Variants in ANKFN1 observed in about 807,000 individuals in gnomAD.
ANKFN1 encodes ankyrin repeat and fibronectin type-III domain-containing protein 1.
A neutral mutation model predicts 108.7 loss-of-function variants in ANKFN1; 74 were observed. That is an observed-to-expected ratio of 0.68 (90% confidence interval 0.56 to 0.83). The LOEUF (loss-of-function observed/expected upper bound fraction) is 0.83. Among genes scored for constraint, ANKFN1 ranks in the 40% least tolerant of loss-of-function variants. The pLI, the probability that ANKFN1 is intolerant of heterozygous loss-of-function variation, is 0.00. For synonymous variants in ANKFN1, 547 were observed against 516.2 expected (o/e 1.06, Z -0.81); for missense variants, 1,505 against 1,382.3 (o/e 1.09, Z -1.41).
chr17:56,116,692 C>A (rs1467932575), intron 4 of ANKFN1, among the ~76,000 whole-genome samples: 1 of 152,156 alleles, frequency 6.6e-6, no homozygotes, highest in Non-Finnish European at 1.5e-5. Flanking sequence ...TCTTGTACAA[C>A]CTGCAGAACC....
At chr17:56,248,039 T>TA (rs1276893090) in intron 3 of ANKFN1, among the ~76,000 whole-genome samples, 1 of 152,210 alleles carries the variant, frequency 6.6e-6, no homozygotes, top group Non-Finnish European at 1.5e-5. Flanking sequence ...GCAATTTACT[T>TA]AGTCGTCAGC....
chr17:56,064,559 A>T (rs996597301), intron 4 of ANKFN1, among the ~76,000 whole-genome samples: 1 of 152,202 alleles, frequency 6.6e-6, no homozygotes, highest in Non-Finnish European at 1.5e-5. Context: ...GCATCTTGAG[A>T]CCAAGCCGTC....
intron 4 of ANKFN1, among the ~76,000 whole-genome samples, chr17:56,107,230 T>G (rs556509161): frequency 6.6e-6 from 1 of 152,158 alleles, no homozygotes; most frequent in South Asian, 2.1e-4. Context: ...TGGGCTTGAG[T>G]TGCCTGAAGT....
chr17:56,305,683 G>A (rs1201963639), intron 3 of ANKFN1, among the ~76,000 whole-genome samples: 2 of 152,162 alleles, frequency 1.3e-5, no homozygotes, highest in African/African-American at 4.8e-5. Flanking sequence ...TGTTATGGAT[G>A]TGCTTTTGGT....
chr17:56,482,392 G>A lies in ANKFN1; in HGVS notation c.2128G>A (p.Glu710Lys), dbSNP rs767807470. The change falls in exon 18 of 21, where the codon GAA becomes AAA. Residue 710 changes from glutamate to lysine, a missense_variant. By Grantham distance (56) the Glu-to-Lys change is moderately conservative. Transcript: ENST00000682825. ...CCGCCTCTACACACAGGAGGTGTTG[G>A]AAATGGGTCACAATGTGTCCTTTCT... ...NFRLYTQEVL[E>K]MGHNVSFLLL... 6.2e-7 allele frequency: 1 copy of A among 1,612,244 alleles called. No individual in the cohort carries two copies. The highest frequency in any genetic ancestry group is 2.2e-5 in the East Asian group (1 of 44,838).
chr17:56,467,785 A>AAGAAAG (rs2050147985), intron 15 of ANKFN1, among the ~76,000 whole-genome samples: 2 of 99,088 alleles, frequency 2.0e-5, no homozygotes, highest in African/African-American at 1.5e-4. Context: ...GAAAGAAAGA[A>AAGAAAG]AGAAAGAAGA....
chr17:56,275,895 G>A (rs149399886), intron 3 of ANKFN1, among the ~76,000 whole-genome samples: 2 of 152,128 alleles, frequency 1.3e-5, no homozygotes, highest in African/African-American at 4.8e-5. Flanking sequence ...AAGTTCTAGG[G>A]TACATGTGTA....
At chr17:56,434,378 CAAA>C (rs58017155) in intron 8 of ANKFN1, among the ~76,000 whole-genome samples, 49 of 127,344 alleles carry the variant, frequency 3.8e-4, no homozygotes, top group Middle Eastern at 3.9e-3. Flanking sequence ...TTTCTAGTGT[CAAA>C]AAAAAAAAAA....
intron 19 of ANKFN1, among the ~76,000 whole-genome samples, chr17:56,498,382 A>G (rs947317272): frequency 1.3e-5 from 2 of 152,174 alleles, no homozygotes; most frequent in African/African-American, 2.4e-5. Flanking sequence ...AGGCTTTATC[A>G]TATGCCTTCA....
intron 11 of ANKFN1, among the ~76,000 whole-genome samples, chr17:56,454,534 G>C (rs1450818126): frequency 6.6e-6 from 1 of 152,122 alleles, no homozygotes; most frequent in African/African-American, 2.4e-5. Context: ...TTCAGAGAAG[G>C]GAAATCAATA....
chr17:56,238,330 AT>A (rs1290315551), intron 3 of ANKFN1, among the ~76,000 whole-genome samples: 13 of 151,906 alleles, frequency 8.6e-5, no homozygotes, highest in African/African-American at 3.1e-4. Context: ...ATTTTTGTCA[AT>A]TTTCTGCCTC....
intron 4 of ANKFN1, among the ~76,000 whole-genome samples, chr17:56,064,618 A>G (rs1473960859): frequency 6.6e-6 from 1 of 152,202 alleles, no homozygotes; most frequent in East Asian, 1.9e-4. Flanking sequence ...GAGCTATAGC[A>G]ATAGATGCCA....
intron 17 of ANKFN1, 67 bp downstream of exon 17, chr17:56,480,885 T>TGG: frequency 2.8e-6 from 4 of 1,426,256 alleles, no homozygotes; most frequent in African/African-American, 2.1e-5. Context: ...TAACATTAAG[T>TGG]GGGGTGTGTG....
chr17:56,233,866 G>A lies in ANKFN1; in HGVS notation c.53+5909G>A, dbSNP rs190405669. On this transcript the variant is annotated intron_variant, in intron 3 of 20. Coordinates refer to ENST00000682825, the MANE Select transcript of ANKFN1 (RefSeq NM_001370326.1). Reference sequence around the variant, plus strand: ...TTGATATTTATATATATGTTAATGAGTAAGACAAAAATGAAACAGAAAAGG... The same window carrying A: ...TTGATATTTATATATATGTTAATGAATAAGACAAAAATGAAACAGAAAAGG... 3.4e-3 allele frequency among the ~76,000 whole-genome samples: 514 copies of A among 152,086 alleles called. 2 individuals carry two copies. The highest frequency in any genetic ancestry group is 0.012 in the African/African-American group (491 of 41,506).
At chr17:56,266,939 C>T (rs534843518) in intron 3 of ANKFN1, among the ~76,000 whole-genome samples, 1 of 152,226 alleles carries the variant, frequency 6.6e-6, no homozygotes, top group Non-Finnish European at 1.5e-5. Flanking sequence ...CTCCTCTTTT[C>T]TGCCTTGGCT....
intron 4 of ANKFN1, among the ~76,000 whole-genome samples, chr17:56,136,786 A>G (rs1213239801): frequency 6.6e-6 from 1 of 152,212 alleles, no homozygotes; most frequent in Non-Finnish European, 1.5e-5. Flanking sequence ...GAAGCCTATG[A>G]CTAGAACATA....
intron 8 of ANKFN1, among the ~76,000 whole-genome samples, chr17:56,416,606 G>A (rs972704665): frequency 1.3e-5 from 2 of 152,176 alleles, no homozygotes; most frequent in Non-Finnish European, 2.9e-5. Flanking sequence ...CGCTGTTGGT[G>A]GGAATGTAAA....
chr17:56,284,631 C>T lies in ANKFN1; in HGVS notation c.54-41590C>T, dbSNP rs970741164. On this transcript the variant is annotated intron_variant, in intron 3 of 20. Coordinates refer to ENST00000682825, the MANE Select transcript of ANKFN1 (RefSeq NM_001370326.1). ...ATAACATGTTGTGAAATTTTTGTTTCAGCTTTACATATGCAGTGTATGCAT... is the reference window on the plus strand; with the variant it reads ...ATAACATGTTGTGAAATTTTTGTTTTAGCTTTACATATGCAGTGTATGCAT... Among the ~76,000 whole-genome samples, 3 of 152,280 alleles carry T rather than the reference C, an allele frequency of 2.0e-5. 1 individual carries two copies. The highest frequency in any genetic ancestry group is 6.8e-3 in the Middle Eastern group (2 of 294).
At chr17:56,234,621 C>A (rs2143953746) in intron 3 of ANKFN1, among the ~76,000 whole-genome samples, 1 of 152,184 alleles carries the variant, frequency 6.6e-6, no homozygotes, top group South Asian at 2.1e-4. Context: ...TCTGTTCCTG[C>A]ATTAGTCTGC....
Sources: gnomAD v4.1 joint callset for allele counts (sites outside exome capture counted in the v4.1 genomes callset) on GRCh38, gnomAD v4.1.1 for gene constraint, MANE v1.5 for transcripts, NCBI Gene and HGNC (gene_info 2026-07-23, HGNC 2026-07-21) for gene names.